Variants in GRIP1 observed in about 807,000 individuals in gnomAD.
GRIP1 encodes glutamate receptor-interacting protein 1.
GRIP1 carries 45 observed loss-of-function variants against 129.9 expected under a neutral mutation model. The observed-to-expected ratio is 0.35, with a 90% CI of 0.27 to 0.44. The LOEUF (loss-of-function observed/expected upper bound fraction) is 0.44. Among genes scored for constraint, GRIP1 ranks in the 20% least tolerant of loss-of-function variants. The pLI, the probability that GRIP1 is intolerant of heterozygous loss-of-function variation, is 1.00. For missense variants in GRIP1, 1,196 were observed against 1,396.8 expected, an observed-to-expected ratio of 0.86 and a Z score of 2.29; for synonymous variants, 530 against 520.8, an observed-to-expected ratio of 1.02 and a Z score of -0.24.
intron 15 of GRIP1, among the ~76,000 whole-genome samples, chr12:66,417,477 A>G (rs2057649147): frequency 6.6e-6 from 1 of 152,188 alleles, no homozygotes; most frequent in African/African-American, 2.4e-5. Flanking sequence ...AGCGTATCCA[A>G]ATTGGAAAGG....
intron 1 of GRIP1, among the ~76,000 whole-genome samples, chr12:66,608,496 C>T (rs1048340564): frequency 6.6e-6 from 1 of 151,924 alleles, no homozygotes; most frequent in South Asian, 2.1e-4. Flanking sequence ...CCATGACTGG[C>T]TAATTTTTAT....
intron 1 of GRIP1, among the ~76,000 whole-genome samples, chr12:67,009,657 C>T (rs1461179206): frequency 6.6e-6 from 1 of 152,160 alleles, no homozygotes; most frequent in East Asian, 1.9e-4. Flanking sequence ...TCCTTCATTC[C>T]TCCTGAACAT....
chr12:66,507,250 A>C (rs2060556056), intron 7 of GRIP1, among the ~76,000 whole-genome samples: 1 of 152,142 alleles, frequency 6.6e-6, no homozygotes, highest in African/African-American at 2.4e-5. Flanking sequence ...CATCCTGGCT[A>C]ACATGGTGAA....
intron 1 of GRIP1, among the ~76,000 whole-genome samples, chr12:66,829,765 C>T (rs1304208320): frequency 6.6e-6 from 1 of 152,188 alleles, no homozygotes; most frequent in Admixed American, 6.6e-5. Flanking sequence ...AGTACTATTA[C>T]CTCTCAGTTT....
intron 1 of GRIP1, among the ~76,000 whole-genome samples, chr12:66,685,665 C>T (rs4630367): frequency 0.84 from 127,309 of 152,182 alleles, 53,656 homozygotes; most frequent in African/African-American, 0.93. Context: ...CAGTGATGTG[C>T]GCACAGCAGC....
At chr12:66,722,096 G>T (rs1203132892) in intron 1 of GRIP1, among the ~76,000 whole-genome samples, 1 of 152,110 alleles carries the variant, frequency 6.6e-6, no homozygotes, top group South Asian at 2.1e-4. Context: ...TGTGTTCATT[G>T]GTGTAGCACT....
Position 66,410,353 on chromosome 12 carries a change from C to T in GRIP1, c.1839-3925G>A, listed in dbSNP as rs184664492. 3.3e-3 allele frequency among the ~76,000 whole-genome samples: 503 copies of T among 150,410 alleles called. 9 individuals are homozygous for T. The highest frequency in any genetic ancestry group is 0.012 in the African/African-American group (482 of 40,968). On this transcript the variant is annotated intron_variant, in intron 15 of 24. Transcript: ENST00000359742. ...GATGAAAGAAAAAAAAAAGCTGGGC[C>T]AGGCATGGTGGCTCACGCCTATAAT...
At chr12:66,708,125 G>T (rs1392721193) in intron 1 of GRIP1, among the ~76,000 whole-genome samples, 2 of 151,898 alleles carry the variant, frequency 1.3e-5, no homozygotes, top group South Asian at 2.1e-4. Context: ...TCAGTGAACT[G>T]GTCCATAAAA....
chr12:66,495,772 A>G (rs1375382996), intron 7 of GRIP1, among the ~76,000 whole-genome samples: 1 of 152,184 alleles, frequency 6.6e-6, no homozygotes, highest in Non-Finnish European at 1.5e-5. Context: ...ACCACTCAGC[A>G]CGAAATCGAC....
At chr12:66,578,249 T>G (rs1035999671) in intron 2 of GRIP1, among the ~76,000 whole-genome samples, 5 of 149,400 alleles carry the variant, frequency 3.3e-5, no homozygotes, top group African/African-American at 1.2e-4. Flanking sequence ...TTTTTTTTTT[T>G]GTAAAAATAC....
intron 1 of GRIP1, among the ~76,000 whole-genome samples, chr12:67,068,849 T>TCCCCCCCCCCCCCCC (rs1211244463): frequency 4.7e-4 from 1 of 2,110 alleles, no homozygotes; most frequent in Non-Finnish European, 8.8e-4. Context: ...TGCCCTCTCA[T>TCCCCCCCCCCCCCCC]CCCGCCCCCC....
rs369121456 is a variant in GRIP1, at chr12:66,925,317, A to G, written c.58+143733T>C. Among the ~76,000 whole-genome samples the G allele has an allele frequency of 7.2e-5, 11 of 152,292 alleles. No individual in the cohort carries two copies. In the East Asian group the frequency reaches 1.5e-3, roughly 21 times the overall value. ...TCAGGCAGACTGCAAAGCAGCATGC[A>G]CTCCCCAACCCTTCCAGGAGTTAAG... is the stretch of plus-strand genomic sequence containing the variant. On this transcript the variant is annotated intron_variant, in intron 1 of 1. Coordinates refer to the GRIP1 transcript ENST00000643019.
intron 1 of GRIP1, among the ~76,000 whole-genome samples, chr12:66,935,644 C>T (rs1258774985): frequency 6.6e-6 from 1 of 152,110 alleles, no homozygotes; most frequent in East Asian, 1.9e-4. Flanking sequence ...ACAAATTGGG[C>T]AGCCCTCAGA....
Position 66,470,522 on chromosome 12 carries a change from C to G in GRIP1, c.725-5100G>C, listed in dbSNP as rs1013921048. ...TGACCTGCAAACTATGTCAACCTAC[C>G]CATTATACACTTTAATAGAACCCTA... On this transcript the variant is annotated intron_variant, in intron 7 of 24. Coordinates refer to ENST00000359742, the MANE Select transcript of GRIP1 (RefSeq NM_001366722.1). 4.6e-5 allele frequency among the ~76,000 whole-genome samples: 7 copies of G among 152,076 alleles called. No individual in the cohort carries two copies. In the South Asian group the frequency reaches 8.3e-4, roughly 18 times the overall value.
At chr12:66,566,251 G>C (rs975094238) in intron 2 of GRIP1, among the ~76,000 whole-genome samples, 17 of 152,186 alleles carry the variant, frequency 1.1e-4, no homozygotes, top group African/African-American at 4.1e-4. Context: ...GATATTGGCT[G>C]TGGGTTTATC....
chr12:66,923,867 G>A (rs1240470016), intron 1 of GRIP1, among the ~76,000 whole-genome samples: 6 of 151,910 alleles, frequency 3.9e-5, no homozygotes, highest in Admixed American at 2.0e-4. Context: ...TTCTTGAGAT[G>A]GAGTTTCGCT....
chr12:66,644,407 T>C (rs1188711400), intron 1 of GRIP1, among the ~76,000 whole-genome samples: 1 of 152,228 alleles, frequency 6.6e-6, no homozygotes, highest in African/African-American at 2.4e-5. Flanking sequence ...CTGTATCACA[T>C]TTCAAGTCAT....
chr12:66,954,674 G>T (rs2041811399), intron 1 of GRIP1, among the ~76,000 whole-genome samples: 1 of 152,196 alleles, frequency 6.6e-6, no homozygotes, highest in Non-Finnish European at 1.5e-5. Context: ...ACAAACATTT[G>T]TTAAGTGCCT....
rs758597097 is a variant in GRIP1, at chr12:66,420,761, G to A, written c.1797C>T (p.Pro599=). Reference sequence around the variant, plus strand: ...CTTTCTTGATATCTGAAATGACGAGGGGGTCTCCTGGTTTTCTACTGGATG... The same window carrying A: ...CTTTCTTGATATCTGAAATGACGAGAGGGTCTCCTGGTTTTCTACTGGATG... ...SSPSSRKPGD[P]LVISDIKKGS... Residue 599 remains proline, a synonymous_variant, in exon 15 of 25, where the codon CCC becomes CCT. Transcript: ENST00000359742. The A allele has an allele frequency of 1.7e-5, 27 of 1,587,532 alleles. 1 individual carries two copies. The South Asian group carries it at 2.9e-4, about 17-fold the overall frequency.
Sources: allele counts gnomAD v4.1 joint callset (sites outside exome capture counted in the v4.1 genomes callset), GRCh38; gene constraint gnomAD v4.1.1; transcripts MANE v1.5; gene names NCBI Gene and HGNC (gene_info 2026-07-23, HGNC 2026-07-21).